Variants in UTP18 observed in about 807,000 individuals in gnomAD.
The protein encoded by UTP18 is U3 small nucleolar RNA-associated protein 18 homolog.
In UTP18, 36 loss-of-function variants were observed where a neutral mutation model predicts 61.1. That is an observed-to-expected ratio of 0.59 (90% confidence interval 0.45 to 0.78). The LOEUF (loss-of-function observed/expected upper bound fraction) is 0.78. UTP18 is among the 30% of genes least tolerant of loss of function. The probability of loss-of-function intolerance (pLI) is 0.00; values close to 1 mark genes in which losing one functional copy is unlikely to be tolerated. For synonymous variants in UTP18, 282 were observed against 251.1 expected, an observed-to-expected ratio of 1.12 and a Z score of -1.16; for missense variants, 753 against 693.9, an observed-to-expected ratio of 1.09 and a Z score of -0.96.
chr17:51,284,505 C>T (rs1905043589), intron 9 of UTP18, among the ~76,000 whole-genome samples: 2 of 152,076 alleles, frequency 1.3e-5, no homozygotes, highest in South Asian at 4.1e-4. Context: ...TCATCATTAA[C>T]ATTTTGGTAT....
Position 51,297,645 on chromosome 17 carries a change from G to C in UTP18, c.*15-137G>C, listed in dbSNP as rs751135329. 7.7e-6 allele frequency: 3 copies of C among 390,576 alleles called. No individual in the cohort carries two copies. In the East Asian group the frequency reaches 2.9e-4, roughly 38 times the overall value. The allele number at this position is 390,576 out of a possible 1,614,324, so 24.2% of individuals were successfully genotyped here. ...GGACAAAGGATTTTTAAAGGTACAG[G>C]CATTTTGGGCAAAGCTTTAGCAAGG... On this transcript the variant is annotated intron_variant, in intron 13 of 13. Coordinates refer to ENST00000225298, the MANE Select transcript of UTP18 (RefSeq NM_016001.3).
intron 3 of UTP18, among the ~76,000 whole-genome samples, chr17:51,267,578 A>G (rs1251491545): frequency 6.6e-6 from 1 of 151,382 alleles, no homozygotes; most frequent in Admixed American, 6.6e-5. Flanking sequence ...GTGTTGTTTA[A>G]CTTGTTCTGT....
At chr17:51,283,510 A>G (rs565499645) in intron 9 of UTP18, among the ~76,000 whole-genome samples, 2 of 151,944 alleles carry the variant, frequency 1.3e-5, no homozygotes, top group African/African-American at 4.8e-5. Context: ...GATTAGTAAC[A>G]TATTGTTCAC....
rs527436043 is a variant in UTP18 at position 51,263,134 on chromosome 17, C to G, written c.343-140C>G. ...TTTCTGCCTCTGCTTCCAGCATTTG[C>G]AATGGTAGCATTCCATCCCATTATT... On this transcript the variant is annotated intron_variant, in intron 1 of 13. Coordinates refer to ENST00000225298, the MANE Select transcript of UTP18 (RefSeq NM_016001.3). 19 of 677,208 alleles carry G rather than the reference C, an allele frequency of 2.8e-5. No homozygotes were observed. In the African/African-American group the frequency reaches 3.5e-4, roughly 12 times the overall value. 41.9% of individuals were successfully genotyped at this position (677,208 alleles called of 1,614,324 possible).
intron 10 of UTP18, among the ~76,000 whole-genome samples, chr17:51,286,983 C>CA (rs370008750): frequency 2.7e-5 from 3 of 110,136 alleles, no homozygotes; most frequent in South Asian, 4.9e-4. Context: ...CCCCTTCCCC[C>CA]CCCGACCCAC....
chr17:51,293,864 CAGT>C (rs780279065), intron 11 of UTP18, 36 bp from the exon 12 acceptor site: 4 of 1,450,682 alleles, frequency 2.8e-6, no homozygotes, highest in Non-Finnish European at 3.6e-6. Context: ...CATGAGCTCC[CAGT>C]TGTTACACTT....
At position 51,260,549 on chromosome 17, in the gene UTP18, C is replaced by G. The variant is rs749591824; in HGVS notation, c.-36C>G. ...GCCTGGGCGCATGCGCAGCGAGGTTCCACGTGAGCGCCTGCGTTTCTCCTC... is the reference window on the plus strand; with the variant it reads ...GCCTGGGCGCATGCGCAGCGAGGTTGCACGTGAGCGCCTGCGTTTCTCCTC... On this transcript the variant is annotated 5_prime_UTR_variant, in exon 1 of 14. Coordinates refer to ENST00000225298, the MANE Select transcript of UTP18 (RefSeq NM_016001.3). 1 of 1,589,250 alleles carries G rather than the reference C, an allele frequency of 6.3e-7. No individual in the cohort carries two copies. Among genetic ancestry groups the G allele is most frequent in the African/African-American group, 1.4e-5 (1 of 73,860 alleles).
intron 3 of UTP18, 45 bp downstream of exon 3, chr17:51,266,325 C>T (rs778004025): frequency 1.5e-6 from 2 of 1,372,368 alleles, no homozygotes; most frequent in Non-Finnish European, 9.9e-7. Context: ...TGTATGTAAC[C>T]AATGCCCAGT....
chr17:51,260,612 A>T lies in UTP18; in HGVS notation c.28A>T (p.Lys10Ter). Residue 10 changes from lysine (K) to a stop codon, truncating the protein, a stop_gained, in exon 1 of 14, where the codon AAA becomes TAA. Transcript: ENST00000225298. LOFTEE classifies it high-confidence loss of function. ...GCCGCCGGAGCGGAGGAGACGAATG[A>T]AACTGGACCGGAGAACCGGAGCGAA... is the stretch of plus-strand genomic sequence containing the variant. MPPERRRRM[K>*]LDRRTGAKPK... 1.9e-6 allele frequency: 3 copies of T among 1,612,632 alleles called. No homozygotes were observed. Among genetic ancestry groups the T allele is most frequent in the Non-Finnish European group, 2.5e-6 (3 of 1,179,688 alleles).
At chr17:51,285,772 G>A (rs1366048222) in intron 10 of UTP18, among the ~76,000 whole-genome samples, 1 of 152,188 alleles carries the variant, frequency 6.6e-6, no homozygotes. Context: ...AGAGATGTGT[G>A]TATAGGAGAA....
At chr17:51,267,312 C>T (rs1236991880) in intron 3 of UTP18, among the ~76,000 whole-genome samples, 8 of 152,200 alleles carry the variant, frequency 5.3e-5, no homozygotes, top group Admixed American at 3.9e-4. Context: ...GAATATCCCA[C>T]ATTCTGACAT....
At chr17:51,261,201 C>A (rs1247706463) in intron 1 of UTP18, among the ~76,000 whole-genome samples, 2 of 152,238 alleles carry the variant, frequency 1.3e-5, no homozygotes, top group Non-Finnish European at 2.9e-5. Context: ...TCGTGAGCAT[C>A]TTTCGCTGCT....
At chr17:51,294,163 T>C (rs1348568850) in intron 12 of UTP18, 118 bp downstream of exon 12, 6 of 769,792 alleles carry the variant, frequency 7.8e-6, no homozygotes, top group Non-Finnish European at 1.1e-5. Context: ...TTATCTTGAC[T>C]CTCATCTTCA....
At position 51,280,122 on chromosome 17, in the gene UTP18, G is replaced by T; in HGVS notation, c.1113+17G>T. The T allele has an allele frequency of 1.2e-6, 2 of 1,607,272 alleles. No individual in the cohort carries two copies. The highest frequency in any genetic ancestry group is 1.7e-6 in the Non-Finnish European group (2 of 1,175,140). On this transcript the variant is annotated intron_variant, in intron 8 of 13. Transcript: ENST00000225298. ...GCAATGAAGGTAAAGCATTATTATT[G>T]CTTCTTGTTCTTCTCCCACAAGACA...
At chr17:51,261,369 C>A (rs1389969448) in intron 1 of UTP18, among the ~76,000 whole-genome samples, 2 of 152,218 alleles carry the variant, frequency 1.3e-5, no homozygotes, top group African/African-American at 2.4e-5. Context: ...GACTATGAGA[C>A]CCACCATGTT....
intron 2 of UTP18, 73 bp from the exon 3 acceptor site, chr17:51,266,109 A>G: frequency 6.0e-6 from 7 of 1,161,534 alleles, no homozygotes; most frequent in Non-Finnish European, 8.2e-6. Flanking sequence ...ATTTTTCTCC[A>G]AGTGCTAAAA....
chr17:51,271,951 A>T (rs755854197), intron 4 of UTP18, among the ~76,000 whole-genome samples: 3 of 152,072 alleles, frequency 2.0e-5, no homozygotes. Flanking sequence ...TACAGATATG[A>T]GCCACCATGC....
At chr17:51,288,236 T>C in intron 11 of UTP18, 33 bp downstream of exon 11, 1 of 1,525,460 alleles carries the variant, frequency 6.6e-7, no homozygotes, top group Non-Finnish European at 8.8e-7. Context: ...ATTATTGTTA[T>C]TTTTTAAATT....
intron 7 of UTP18, 138 bp from the exon 8 acceptor site, chr17:51,279,867 T>A: frequency 2.9e-6 from 2 of 686,286 alleles, no homozygotes; most frequent in Non-Finnish European, 4.9e-6. Flanking sequence ...TTTAGACTTA[T>A]TCGGGGTCTG....
Sources: gnomAD v4.1 joint callset for allele counts (sites outside exome capture counted in the v4.1 genomes callset) on GRCh38, gnomAD v4.1.1 for gene constraint, MANE v1.5 for transcripts, NCBI Gene and HGNC (gene_info 2026-07-23, HGNC 2026-07-21) for gene names.